The following GPR26 variants were observed in gnomAD, a reference collection of about 807,000 sequenced individuals.
GPR26 encodes G protein-coupled receptor 26.
A neutral mutation model predicts 23.1 loss-of-function variants in GPR26; 15 were observed. That is an observed-to-expected ratio of 0.65 (90% confidence interval 0.43 to 1.00). The LOEUF (loss-of-function observed/expected upper bound fraction) is 1.00, where lower values mean the gene tolerates loss of function less well. Ranked by LOEUF, GPR26 falls within the 50% of genes least tolerant of loss-of-function variation. GPR26 has a pLI of 0.00. For synonymous variants in GPR26, 228 were observed against 222.1 expected, an observed-to-expected ratio of 1.03 and a Z score of -0.24; for missense variants, 359 against 470.5, an observed-to-expected ratio of 0.76 and a Z score of 2.19.
chr10:123,678,462 A>C (rs1286618928), intron 2 of GPR26, among the ~76,000 whole-genome samples: 1 of 152,244 alleles, frequency 6.6e-6, no homozygotes, highest in Non-Finnish European at 1.5e-5. Context: ...CTGAGCAGTC[A>C]AATCAGTGTC....
At chr10:123,675,453 C>T (rs983283951) in intron 2 of GPR26, among the ~76,000 whole-genome samples, 1 of 152,196 alleles carries the variant, frequency 6.6e-6, no homozygotes, top group African/African-American at 2.4e-5. Flanking sequence ...CTCAGGGGCT[C>T]TTCCACTGTT....
rs2133933813 is a variant in GPR26 at position 123,690,571 on chromosome 10, A to G, written c.*2411A>G. The G allele has an allele frequency of 6.6e-6, 1 of 152,306 alleles. No homozygotes were observed. Among genetic ancestry groups the G allele is most frequent in the African/African-American group, 2.4e-5 (1 of 41,560 alleles). The allele number at this position is 152,306 out of a possible 1,614,324, so 9.4% of individuals were successfully genotyped here. ...TTTTCATAATTTTCACTATACCTCT[A>G]AAACCAATTGTACCGACATCACGTA... is the stretch of plus-strand genomic sequence containing the variant. On this transcript the variant is annotated 3_prime_UTR_variant, in exon 3 of 3. Coordinates refer to ENST00000284674, the MANE Select transcript of GPR26 (RefSeq NM_153442.4).
Position 123,674,108 on chromosome 10 carries a change from C to G in GPR26, c.669-710C>G, listed in dbSNP as rs1295817973. On this transcript the variant is annotated intron_variant, in intron 1 of 2. Transcript: ENST00000284674. This position sits in a 1 kb window ranked among gnomAD's most constrained non-coding sequence, Gnocchi z 4.1. ...AAGTAGCTGGGATTACAGGAGCCCA[C>G]CACCACGCATGGCTAATTTTTGTAT... Among the ~76,000 whole-genome samples, 1 of 152,158 alleles carries G rather than the reference C, an allele frequency of 6.6e-6. No homozygotes were observed. The highest frequency in any genetic ancestry group is 1.5e-5 in the Non-Finnish European group (1 of 68,032).
At chr10:123,673,626 T>A (rs1247822188) in intron 1 of GPR26, among the ~76,000 whole-genome samples, 1 of 152,164 alleles carries the variant, frequency 6.6e-6, no homozygotes, top group East Asian at 1.9e-4. Flanking sequence ...TGGGAGTCTC[T>A]TAGCTTCTTC....
At chr10:123,684,032 C>A (rs1195181416) in intron 2 of GPR26, among the ~76,000 whole-genome samples, 2 of 152,172 alleles carry the variant, frequency 1.3e-5, no homozygotes, top group Non-Finnish European at 1.5e-5. Flanking sequence ...ATCCCCTCCC[C>A]CAACCTGATC....
In GPR26 at chr10:123,678,691, C is replaced by A. The variant is rs544585400; in HGVS notation, c.782+3760C>A. ...TTTAGGGTGGCTGGGCGCCCCCCTC[C>A]AGGCACACCCTGATGGGCTTCTGTG... On this transcript the variant is annotated intron_variant, in intron 2 of 2. Coordinates refer to ENST00000284674, the MANE Select transcript of GPR26 (RefSeq NM_153442.4). Among the ~76,000 whole-genome samples, 3 of 152,322 alleles carry A rather than the reference C, an allele frequency of 2.0e-5. No homozygotes were observed. In the South Asian group the frequency reaches 6.2e-4, roughly 32 times the overall value.
chr10:123,680,680 C>G (rs12248990), intron 2 of GPR26, among the ~76,000 whole-genome samples: 53,799 of 152,034 alleles, frequency 0.35, 9,716 homozygotes, highest in Non-Finnish European at 0.37. Context: ...AGGACAAGCT[C>G]TATCTCCTTA....
At chr10:123,678,629 C>G (rs1294086590) in intron 2 of GPR26, among the ~76,000 whole-genome samples, 1 of 152,242 alleles carries the variant, frequency 6.6e-6, no homozygotes, top group Non-Finnish European at 1.5e-5. Flanking sequence ...CCTCTACCCC[C>G]ACATGGCTTC....
chr10:123,666,909 C>G lies in GPR26; in HGVS notation c.502C>G (p.Arg168Gly), dbSNP rs1261317128. The change falls in exon 1 of 3, where the codon CGC becomes GGC. Residue 168 changes from arginine to glycine, a missense_variant. Arg to Gly is a moderately radical substitution (Grantham distance 125). Transcript: ENST00000284674. ...CAGCCGGCGGCCAGACGAGCGCCTG[C>G]GCTTCGCCGTCTTCACTGGCGCCTT... is the stretch of plus-strand genomic sequence containing the variant. ...LCSRRPDERLRFAVFTGAFHA... is the reference protein window; with the variant it reads ...LCSRRPDERLGFAVFTGAFHA... 4 of 1,612,860 alleles carry G rather than the reference C, an allele frequency of 2.5e-6. No individual in the cohort carries two copies. Among genetic ancestry groups the G allele is most frequent in the Non-Finnish European group, 3.4e-6 (4 of 1,179,758 alleles).
In GPR26 at chr10:123,694,937, G is replaced by A. The variant is rs1449451401; in HGVS notation, c.*6777G>A. Among the ~76,000 whole-genome samples the A allele has an allele frequency of 6.6e-6, 1 of 152,204 alleles. No homozygotes were observed. The highest frequency in any genetic ancestry group is 1.5e-5 in the Non-Finnish European group (1 of 68,038). On this transcript the variant is annotated 3_prime_UTR_variant, in exon 3 of 3. Coordinates refer to ENST00000284674, the MANE Select transcript of GPR26 (RefSeq NM_153442.4). ...AATATCCTGAAGGGTTCGAATGTTT[G>A]TCTTCGGTAGGGAGTGCCACACATT... is the stretch of plus-strand genomic sequence containing the variant.
intron 1 of GPR26, among the ~76,000 whole-genome samples, chr10:123,673,477 C>G (rs1200106027): frequency 6.6e-6 from 1 of 152,206 alleles, no homozygotes; most frequent in Non-Finnish European, 1.5e-5. Flanking sequence ...GCAACTGTGT[C>G]CACAGTCTTC....
chr10:123,679,996 G>A (rs1320327772), intron 2 of GPR26, among the ~76,000 whole-genome samples: 1 of 152,230 alleles, frequency 6.6e-6, no homozygotes, highest in Non-Finnish European at 1.5e-5. Context: ...AAGTTCTGGA[G>A]CTCCATATGG....
In GPR26 at chr10:123,666,671, C is replaced by T. The variant is rs1387445632; in HGVS notation, c.264C>T (p.Phe88=). 16 of 1,599,522 alleles carry T rather than the reference C, an allele frequency of 1.0e-5. No homozygotes were observed. The highest frequency in any genetic ancestry group is 2.2e-5 in the South Asian group (2 of 90,522). ...LCRLAAFLDT[F]LAANSMLSMA... ...GCCTGGCTGCCTTCCTCGACACCTTCCTGGCTGCCAACTCCATGCTCAGCA... is the reference window on the plus strand; with the variant it reads ...GCCTGGCTGCCTTCCTCGACACCTTTCTGGCTGCCAACTCCATGCTCAGCA... The change falls in exon 1 of 3, where the codon TTC becomes TTT. Residue 88 remains phenylalanine, a synonymous_variant. Transcript: ENST00000284674.
Position 123,666,399 on chromosome 10 carries a change from G to T in GPR26, c.-9G>T. On this transcript the variant is annotated 5_prime_UTR_variant, in exon 1 of 3. Coordinates refer to ENST00000284674, the MANE Select transcript of GPR26 (RefSeq NM_153442.4). ...TGCGGACCCTGAGCGCCGGCGCGGG[G>T]CGCGCACCATGAACTCGTGGGACGC... 7.1e-7 allele frequency: 1 copy of T among 1,417,738 alleles called. No homozygotes were observed. The highest frequency in any genetic ancestry group is 2.9e-5 in the East Asian group (1 of 33,976). 87.8% of individuals were successfully genotyped at this position (1,417,738 alleles called of 1,614,324 possible).
intron 1 of GPR26, among the ~76,000 whole-genome samples, chr10:123,669,695 T>C (rs777849806): frequency 7.2e-5 from 11 of 152,188 alleles, no homozygotes; most frequent in Non-Finnish European, 1.2e-4. Flanking sequence ...AAGCTCCTGG[T>C]GGTGTCTGCT....
chr10:123,680,829 G>GT (rs1564732133), intron 2 of GPR26, among the ~76,000 whole-genome samples: 2 of 109,482 alleles, frequency 1.8e-5, no homozygotes, highest in Middle Eastern at 4.7e-3. Context: ...TGTTTTTTTG[G>GT]GGGGGGGGGT....
intron 1 of GPR26, among the ~76,000 whole-genome samples, chr10:123,670,254 G>A (rs1222237036): frequency 6.6e-6 from 1 of 152,152 alleles, no homozygotes; most frequent in East Asian, 1.9e-4. Flanking sequence ...CAGAATTGTG[G>A]CTCAGTAGAC....
intron 2 of GPR26, among the ~76,000 whole-genome samples, chr10:123,678,424 G>C (rs1249863631): frequency 3.9e-5 from 6 of 152,192 alleles, no homozygotes; most frequent in Non-Finnish European, 8.8e-5. Flanking sequence ...GGCCCTGCTC[G>C]ATGTCAGGGT....
At position 123,694,713 on chromosome 10, in the gene GPR26, G is replaced by A. The variant is rs2133936047; in HGVS notation, c.*6553G>A. ...AGGAAAAGAAAAAGAAGGAAGGAAG[G>A]AGTCCTAGCCACTTCTTTCTCCTGA... On this transcript the variant is annotated 3_prime_UTR_variant, in exon 3 of 3. Coordinates refer to ENST00000284674, the MANE Select transcript of GPR26 (RefSeq NM_153442.4). 1 of 152,074 alleles carries A rather than the reference G, an allele frequency of 6.6e-6. No homozygotes were observed. The highest frequency in any genetic ancestry group is 2.1e-4 in the South Asian group (1 of 4,764). The allele number at this position is 152,074 out of a possible 1,614,324, so 9.4% of individuals were successfully genotyped here.
Sources: allele counts gnomAD v4.1 joint callset (sites outside exome capture counted in the v4.1 genomes callset), GRCh38; gene constraint gnomAD v4.1.1; non-coding constraint Gnocchi (gnomAD v3.1); transcripts MANE v1.5; gene names NCBI Gene and HGNC (gene_info 2026-07-23, HGNC 2026-07-21).